The following NLGN1 variants were observed in gnomAD, a reference collection of about 807,000 sequenced individuals.
The protein encoded by NLGN1 is neuroligin-1.
In NLGN1, 12 loss-of-function variants were observed where a neutral mutation model predicts 65.5. That is an observed-to-expected ratio of 0.18 (90% confidence interval 0.12 to 0.30). The LOEUF (loss-of-function observed/expected upper bound fraction) is 0.30. Ranked by LOEUF, NLGN1 falls within the 10% of genes least tolerant of loss-of-function variation. The pLI is 1.00. For missense variants in NLGN1, 750 were observed against 1,007.1 expected (o/e 0.74, Z 3.46); for synonymous variants, 350 against 359.5 (o/e 0.97, Z 0.30).
At chr3:173,803,276 G>A (rs554927603) in intron 3 of NLGN1, among the ~76,000 whole-genome samples, 53 of 152,250 alleles carry the variant, frequency 3.5e-4, no homozygotes, top group African/African-American at 1.2e-3. Context: ...AATTTAAGAA[G>A]TATTTTTAAA....
intron 4 of NLGN1, among the ~76,000 whole-genome samples, chr3:173,818,340 AT>A (rs1267937865): frequency 1.3e-5 from 2 of 152,172 alleles, no homozygotes; most frequent in Non-Finnish European, 2.9e-5. Context: ...ACAAAAATGA[AT>A]TTTTTTGAAA....
intron 2 of NLGN1, among the ~76,000 whole-genome samples, chr3:173,514,336 A>G (rs112415369): frequency 6.6e-6 from 1 of 152,258 alleles, no homozygotes; most frequent in South Asian, 2.1e-4. Flanking sequence ...CTGTCACCCA[A>G]GCAGTTTACA....
chr3:173,750,155 CT>C (rs1776114624), intron 3 of NLGN1, among the ~76,000 whole-genome samples: 1 of 152,078 alleles, frequency 6.6e-6, no homozygotes, highest in African/African-American at 2.4e-5. Context: ...CCAAAGCAAT[CT>C]TCCTCAGCTC....
chr3:173,525,921 C>T (rs749666883), intron 2 of NLGN1, among the ~76,000 whole-genome samples: 11 of 151,980 alleles, frequency 7.2e-5, no homozygotes, highest in Non-Finnish European at 1.5e-4. Context: ...GAGTTCCTTT[C>T]TGGTATTCAT....
chr3:173,674,111 A>T (rs1762815229), intron 3 of NLGN1, among the ~76,000 whole-genome samples: 1 of 152,160 alleles, frequency 6.6e-6, no homozygotes, highest in Non-Finnish European at 1.5e-5. Context: ...CCTCATATAT[A>T]GTCATCCAAT....
At chr3:174,157,371 A>G (rs902790688) in intron 4 of NLGN1, among the ~76,000 whole-genome samples, 2 of 151,902 alleles carry the variant, frequency 1.3e-5, no homozygotes, top group African/African-American at 4.8e-5. Flanking sequence ...GTATATTTTT[A>G]TATGACATCT....
chr3:173,998,774 T>A (rs1345759290), intron 4 of NLGN1, among the ~76,000 whole-genome samples: 2 of 152,212 alleles, frequency 1.3e-5, no homozygotes, highest in African/African-American at 4.8e-5. Context: ...ATACCAGTGG[T>A]CATGCTGATT....
At chr3:173,807,038 T>G (rs1315667539) in intron 3 of NLGN1, among the ~76,000 whole-genome samples, 1 of 152,150 alleles carries the variant, frequency 6.6e-6, no homozygotes, top group African/African-American at 2.4e-5. Flanking sequence ...CTAAAAAATA[T>G]CATTCTAATG....
intron 4 of NLGN1, among the ~76,000 whole-genome samples, chr3:173,861,576 A>G (rs1729112264): frequency 6.6e-6 from 1 of 150,608 alleles, no homozygotes; most frequent in Non-Finnish European, 1.5e-5. Context: ...ACACACATAT[A>G]TATACACACA....
chr3:174,071,059 T>C (rs985733870), intron 4 of NLGN1, among the ~76,000 whole-genome samples: 3 of 151,830 alleles, frequency 2.0e-5, no homozygotes, highest in Non-Finnish European at 4.4e-5. Flanking sequence ...TGTCTCAAAA[T>C]AAATAAATAA....
chr3:173,556,606 T>C (rs1311568928), intron 2 of NLGN1, among the ~76,000 whole-genome samples: 1 of 152,078 alleles, frequency 6.6e-6, no homozygotes, highest in East Asian at 1.9e-4. Flanking sequence ...TTTGAGCCTA[T>C]TCAAGACCAG....
intron 3 of NLGN1, among the ~76,000 whole-genome samples, chr3:173,705,489 G>A (rs1767911242): frequency 6.6e-6 from 1 of 152,090 alleles, no homozygotes; most frequent in Non-Finnish European, 1.5e-5. Context: ...AATACACATT[G>A]CTGCTTTGAA....
chr3:173,998,144 T>C (rs1459682803), intron 4 of NLGN1, among the ~76,000 whole-genome samples: 1 of 152,140 alleles, frequency 6.6e-6, no homozygotes, highest in Non-Finnish European at 1.5e-5. Flanking sequence ...GATACATAGC[T>C]CTTCGTGTGT....
In NLGN1 at chr3:173,733,407, TTC is replaced by T. The variant is rs1316738804; in HGVS notation, c.494-74267_494-74266del. On this transcript the variant is annotated intron_variant, in intron 3 of 6. Coordinates refer to ENST00000457714, the Ensembl canonical transcript of NLGN1. ...GATAAGCTTAATGCCTTTTCATTCCTTCTCTCTTTCCCTTTCCCTTTTCTCTA... is the reference window on the plus strand; with the variant it reads ...GATAAGCTTAATGCCTTTTCATTCCTTCTCTTTCCCTTTCCCTTTTCTCTA... 4.6e-5 allele frequency among the ~76,000 whole-genome samples: 7 copies of T among 152,262 alleles called. No individual in the cohort carries two copies. The East Asian group carries it at 1.4e-3, about 29-fold the overall frequency.
At chr3:174,000,106 G>A (rs754708796) in intron 4 of NLGN1, among the ~76,000 whole-genome samples, 29 of 152,006 alleles carry the variant, frequency 1.9e-4, no homozygotes, top group Non-Finnish European at 4.0e-4. Context: ...AATCTTTGAT[G>A]CAAGACTGAG....
chr3:173,632,101 T>C (rs1373788169), intron 3 of NLGN1, among the ~76,000 whole-genome samples: 1 of 152,260 alleles, frequency 6.6e-6, no homozygotes, highest in East Asian at 1.9e-4. Flanking sequence ...AGAAGTTTGT[T>C]TTCAGATACA....
chr3:173,708,143 C>T lies in NLGN1; in HGVS notation c.494-99537C>T, dbSNP rs193264853. ...TAATCATATATAGTCCTGCCCCTAACGTTTTGTGGGGCATGGGCCAATATA... is the reference window on the plus strand; with the variant it reads ...TAATCATATATAGTCCTGCCCCTAATGTTTTGTGGGGCATGGGCCAATATA... On this transcript the variant is annotated intron_variant, in intron 3 of 6. Coordinates refer to ENST00000457714, the Ensembl canonical transcript of NLGN1. 5.9e-5 allele frequency among the ~76,000 whole-genome samples: 9 copies of T among 152,238 alleles called. No homozygotes were observed. The East Asian group carries it at 7.7e-4, about 13-fold the overall frequency.
chr3:174,279,671 G>A lies in NLGN1; in HGVS notation c.1649+21G>A. ...ACTGGGTATGTACCTAAGGAATGAA[G>A]TTTATTTTTAATAAAAATGTTATTT... On this transcript the variant is annotated intron_variant, in intron 6 of 6. Coordinates refer to ENST00000457714, the Ensembl canonical transcript of NLGN1. The surrounding 1 kb of genome is among the most constrained non-coding windows in gnomAD (Gnocchi z 4.7). The A allele has an allele frequency of 7.2e-7, 1 of 1,397,308 alleles. No homozygotes were observed. The highest frequency in any genetic ancestry group is 9.8e-7 in the Non-Finnish European group (1 of 1,018,178). The allele number at this position is 1,397,308 out of a possible 1,614,324, so 86.6% of individuals were successfully genotyped here. A position where few individuals can be genotyped will look rare whatever the true frequency, so the allele number is the denominator to read the frequency against.
chr3:173,652,341 T>C (rs1759328208), intron 3 of NLGN1, among the ~76,000 whole-genome samples: 1 of 152,200 alleles, frequency 6.6e-6, no homozygotes, highest in Non-Finnish European at 1.5e-5. Context: ...ATGCCTTGCC[T>C]GGGAAAATAT....
Sources: allele counts gnomAD v4.1 joint callset (sites outside exome capture counted in the v4.1 genomes callset), GRCh38; gene constraint gnomAD v4.1.1; non-coding constraint Gnocchi (gnomAD v3.1); transcripts MANE v1.5; gene names NCBI Gene and HGNC (gene_info 2026-07-23, HGNC 2026-07-21).